Variants in CNIH3 observed in about 807,000 individuals in gnomAD.
CNIH3 encodes cornichon family AMPA receptor auxiliary protein 3, also known as protein cornichon homolog 3.
A neutral mutation model predicts 24.1 loss-of-function variants in CNIH3; 14 were observed. The observed-to-expected ratio is 0.58, with a 90% confidence interval of 0.38 to 0.91. CNIH3 has a LOEUF of 0.91. Ranked by LOEUF, CNIH3 falls within the 40% of genes least tolerant of loss-of-function variation. The pLI, the probability that CNIH3 is intolerant of heterozygous loss-of-function variation, is 0.00. For synonymous variants in CNIH3, 68 were observed against 73.8 expected, an observed-to-expected ratio of 0.92 and a Z score of 0.40; for missense variants, 178 against 196.8, an observed-to-expected ratio of 0.90 and a Z score of 0.57.
intron 3 of CNIH3, among the ~76,000 whole-genome samples, chr1:224,694,421 C>T (rs564462031): frequency 2.6e-5 from 4 of 152,268 alleles, no homozygotes; most frequent in Admixed American, 2.0e-4. Context: ...CTGTTCCTCA[C>T]GTTGAATCTG....
intron 1 of CNIH3, among the ~76,000 whole-genome samples, chr1:224,621,650 G>T (rs1031018767): frequency 6.6e-6 from 1 of 152,196 alleles, no homozygotes; most frequent in African/African-American, 2.4e-5. Context: ...GTGGAAGGAA[G>T]CTCCATGAGA....
At position 224,739,621 on chromosome 1, in the gene CNIH3, G is replaced by T. The variant is rs565785629; in HGVS notation, c.*265G>T. 18 of 569,318 alleles carry T rather than the reference G, an allele frequency of 3.2e-5. No individual in the cohort carries two copies. Among genetic ancestry groups the T allele is most frequent in the Non-Finnish European group, 4.8e-5 (16 of 334,738 alleles). 35.3% of individuals were successfully genotyped at this position (569,318 alleles called of 1,614,324 possible). On this transcript the variant is annotated 3_prime_UTR_variant, in exon 6 of 6. Coordinates refer to ENST00000272133, the MANE Select transcript of CNIH3 (RefSeq NM_152495.2). Reference sequence around the variant, plus strand: ...GAGCCCTTCTGAGCATCAGTGGTGTGGGGGAGTAGGTGACGAAACACTAGA... The same window carrying T: ...GAGCCCTTCTGAGCATCAGTGGTGTTGGGGAGTAGGTGACGAAACACTAGA...
At chr1:224,672,408 T>G (rs571792478) in intron 1 of CNIH3, among the ~76,000 whole-genome samples, 4 of 152,320 alleles carry the variant, frequency 2.6e-5, no homozygotes, top group African/African-American at 9.6e-5. Flanking sequence ...AGGGCAGCCT[T>G]AACAAATTAC....
intron 2 of CNIH3, among the ~76,000 whole-genome samples, chr1:224,545,218 C>G (rs990007382): frequency 6.6e-6 from 1 of 152,208 alleles, no homozygotes; most frequent in Non-Finnish European, 1.5e-5. Flanking sequence ...TTGCTGTCCA[C>G]CATACCTGTA....
rs149759614 is a variant in CNIH3, at chr1:224,715,857, A to G, written c.199-14605A>G. 1.1e-3 allele frequency among the ~76,000 whole-genome samples: 167 copies of G among 152,292 alleles called. No homozygotes were observed. In the East Asian group the frequency reaches 0.029, roughly 26 times the overall value. On this transcript the variant is annotated intron_variant, in intron 3 of 5. Coordinates refer to ENST00000272133, the MANE Select transcript of CNIH3 (RefSeq NM_152495.2). Reference sequence around the variant, plus strand: ...CGCCTCCCATTAGGCCCCACTTCCCAGTACCGCCACATTGAGGATCAAATT... The same window carrying G: ...CGCCTCCCATTAGGCCCCACTTCCCGGTACCGCCACATTGAGGATCAAATT...
rs1001562868 is a variant in CNIH3 at position 224,704,032 on chromosome 1, G to A, written c.198+19189G>A. On this transcript the variant is annotated intron_variant, in intron 3 of 5. Transcript: ENST00000272133. This position sits in a 1 kb window ranked among gnomAD's most constrained non-coding sequence, Gnocchi z 4.2. ...GGATTCTGTAATACATCTCTCAGAG[G>A]TGCGCCTTTGGTGGAGTGAGAACAT... Among the ~76,000 whole-genome samples, 1 of 152,192 alleles carries A rather than the reference G, an allele frequency of 6.6e-6. No individual in the cohort carries two copies. Among genetic ancestry groups the A allele is most frequent in the African/African-American group, 2.4e-5 (1 of 41,442 alleles).
upstream of CNIH3, among the ~76,000 whole-genome samples, chr1:224,613,375 C>G (rs750309303): frequency 3.9e-5 from 6 of 152,170 alleles, no homozygotes; most frequent in Non-Finnish European, 8.8e-5. Context: ...AGGGTATAAC[C>G]CAGAGCAGGG....
intron 2 of CNIH3, among the ~76,000 whole-genome samples, chr1:224,530,882 G>A (rs1679038954): frequency 1.3e-5 from 2 of 152,214 alleles, no homozygotes; most frequent in Admixed American, 1.3e-4. Context: ...ATAGGCGTGA[G>A]CCACTGTGTG....
intron 3 of CNIH3, among the ~76,000 whole-genome samples, chr1:224,711,321 TC>T (rs1688129781): frequency 1.5e-5 from 2 of 137,522 alleles, no homozygotes; most frequent in Admixed American, 7.4e-5. Context: ...TCTCTCTCTC[TC>T]TCTTTTTTTT....
At chr1:224,698,840 T>C (rs1055971344) in intron 3 of CNIH3, among the ~76,000 whole-genome samples, 6 of 152,148 alleles carry the variant, frequency 3.9e-5, no homozygotes, top group African/African-American at 1.2e-4. Context: ...TAGCCAGTAA[T>C]GCTTTGCTGA....
At chr1:224,497,033 T>C (rs1034647900) in intron 1 of CNIH3, among the ~76,000 whole-genome samples, 1 of 152,210 alleles carries the variant, frequency 6.6e-6, no homozygotes, top group African/African-American at 2.4e-5. Context: ...AATGGAATAT[T>C]ATGCAGCCAT....
chr1:224,500,822 T>C (rs2124869830), intron 1 of CNIH3, among the ~76,000 whole-genome samples: 1 of 152,262 alleles, frequency 6.6e-6, no homozygotes. Flanking sequence ...TGCTGCACGA[T>C]TTCCCTTGAC....
In CNIH3 at chr1:224,452,609, G is replaced by A. The variant is rs533666411; in HGVS notation, n.203+17747G>A. Among the ~76,000 whole-genome samples the A allele has an allele frequency of 8.2e-4, 123 of 150,794 alleles. 1 individual carries two copies. Among genetic ancestry groups the A allele is most frequent in the East Asian group, 3.6e-3 (18 of 4,952 alleles). ...ATCCTGGCTAACACGGTGAAACCCCGTCTCTACTAAAAATACAAAAACATT... is the reference window on the plus strand; with the variant it reads ...ATCCTGGCTAACACGGTGAAACCCCATCTCTACTAAAAATACAAAAACATT... On this transcript the variant is annotated intron_variant and non_coding_transcript_variant, in intron 1 of 5. Coordinates refer to the CNIH3 transcript ENST00000471578.
chr1:224,448,961 C>CT (rs397983008), intron 1 of CNIH3, among the ~76,000 whole-genome samples: 2,165 of 115,202 alleles, frequency 0.019, 48 homozygotes, highest in African/African-American at 0.045. Flanking sequence ...AGCTGGGATT[C>CT]TTTTTTTTTT....
rs114682133 is a variant in CNIH3, at chr1:224,641,982, C to A, written c.81+24727C>A. 4.0e-3 allele frequency among the ~76,000 whole-genome samples: 605 copies of A among 152,314 alleles called. 2 individuals are homozygous for A. Among genetic ancestry groups the A allele is most frequent in the African/African-American group, 0.013 (556 of 41,574 alleles). On this transcript the variant is annotated intron_variant, in intron 1 of 5. Transcript: ENST00000272133. ...ACTTCAGCATGTGCATGTGAATCAC[C>A]AGAAAACATCTCCAAAATTCAGACT... is the stretch of plus-strand genomic sequence containing the variant.
intron 1 of CNIH3, among the ~76,000 whole-genome samples, chr1:224,490,268 T>G (rs764303613): frequency 2.6e-5 from 4 of 152,258 alleles, no homozygotes; most frequent in Non-Finnish European, 5.9e-5. Flanking sequence ...GGTTGAGACA[T>G]ATCTTCAGGC....
rs1683035316 is a variant in CNIH3, at chr1:224,617,009, T to G, written c.-166T>G. On this transcript the variant is annotated 5_prime_UTR_variant, in exon 1 of 6. Transcript: ENST00000272133. ...GCCGGAGCCTGCGGGAATCCAGCGC[T>G]TATTCGCTGACCCTCGAGTCGCTTC... is the stretch of plus-strand genomic sequence containing the variant. 1 of 1,415,964 alleles carries G rather than the reference T, an allele frequency of 7.1e-7. No individual in the cohort carries two copies. Among genetic ancestry groups the G allele is most frequent in the African/African-American group, 1.4e-5 (1 of 69,072 alleles). The allele number at this position is 1,415,964 out of a possible 1,614,324, so 87.7% of individuals were successfully genotyped here. A position where few individuals can be genotyped will look rare whatever the true frequency, so the allele number is the denominator to read the frequency against.
Position 224,560,806 on chromosome 1 carries a change from A to G in CNIH3, n.451-5393A>G, listed in dbSNP as rs117357378. 1.1e-3 allele frequency among the ~76,000 whole-genome samples: 171 copies of G among 152,250 alleles called. 2 individuals are homozygous for G. The East Asian group carries it at 0.028, about 25-fold the overall frequency. ...TAATAATAGAAATAAAGTGCACAAT[A>G]AGAGTAATGCACTTGAATCATCCTG... On this transcript the variant is annotated intron_variant and non_coding_transcript_variant, in intron 3 of 5. Transcript: ENST00000471578.
At chr1:224,693,663 C>T (rs1687035219) in intron 3 of CNIH3, among the ~76,000 whole-genome samples, 1 of 152,182 alleles carries the variant, frequency 6.6e-6, no homozygotes, top group Non-Finnish European at 1.5e-5. Flanking sequence ...AAGCTTTGGT[C>T]AGCATGGGGG....
Sources: allele counts gnomAD v4.1 joint callset (sites outside exome capture counted in the v4.1 genomes callset), GRCh38; gene constraint gnomAD v4.1.1; non-coding constraint Gnocchi (gnomAD v3.1); transcripts MANE v1.5; gene names NCBI Gene and HGNC (gene_info 2026-07-23, HGNC 2026-07-21).